The following CTDSPL2 variants were observed in gnomAD, a reference collection of about 807,000 sequenced individuals.
The protein encoded by CTDSPL2 is CTD small phosphatase like 2, also known as CTD small phosphatase-like protein 2.
In CTDSPL2, 5 loss-of-function variants were observed where a neutral mutation model predicts 60.0. The observed-to-expected ratio is 0.08, with a 90% confidence interval of 0.04 to 0.18. The LOEUF is 0.18. Among genes scored for constraint, CTDSPL2 ranks in the 10% least tolerant of loss-of-function variants. The probability of loss-of-function intolerance (pLI) is 1.00; values close to 1 mark genes in which losing one functional copy is unlikely to be tolerated. For synonymous variants in CTDSPL2, 186 were observed against 189.3 expected (o/e 0.98, Z 0.14); for missense variants, 370 against 548.8 (o/e 0.67, Z 3.26).
intron 2 of CTDSPL2, among the ~76,000 whole-genome samples, chr15:44,475,666 C>A (rs148390977): frequency 1.3e-5 from 2 of 151,558 alleles, no homozygotes; most frequent in African/African-American, 4.8e-5. Flanking sequence ...ATTCTTCAGA[C>A]GCTTTTTCAT....
chr15:44,513,858 T>C (rs2081607689), intron 8 of CTDSPL2, among the ~76,000 whole-genome samples: 1 of 152,220 alleles, frequency 6.6e-6, no homozygotes, highest in South Asian at 2.1e-4. Flanking sequence ...TTATAGGAGC[T>C]ATATTAAATG....
chr15:44,489,521 T>C (rs1193936897), intron 4 of CTDSPL2, among the ~76,000 whole-genome samples: 1 of 152,132 alleles, frequency 6.6e-6, no homozygotes, highest in African/African-American at 2.4e-5. Flanking sequence ...TTGTGCTAAG[T>C]GGTTAATACA....
intron 5 of CTDSPL2, among the ~76,000 whole-genome samples, chr15:44,492,191 C>T (rs1043113712): frequency 5.3e-5 from 8 of 151,992 alleles, no homozygotes; most frequent in African/African-American, 1.9e-4. Flanking sequence ...TTTAAATTAG[C>T]CGGGGATGGT....
chr15:44,495,865 G>C (rs375145051), intron 5 of CTDSPL2, among the ~76,000 whole-genome samples: 1 of 151,852 alleles, frequency 6.6e-6, no homozygotes, highest in East Asian at 1.9e-4. Context: ...CTGTGGGGTG[G>C]AGGTTGCAGT....
chr15:44,470,645 A>G (rs2080788023), intron 2 of CTDSPL2: 1 of 152,002 alleles, frequency 6.6e-6, no homozygotes, highest in Non-Finnish European at 1.5e-5. Flanking sequence ...ACAGTGTTTT[A>G]CCATGTTGGC....
intron 1 of CTDSPL2, among the ~76,000 whole-genome samples, chr15:44,438,263 C>CAA (rs35595063): frequency 0.041 from 4,172 of 102,094 alleles, 91 homozygotes; most frequent in East Asian, 0.13. Context: ...GACTCCGTCT[C>CAA]AAAAAAAAAA....
intron 4 of CTDSPL2, among the ~76,000 whole-genome samples, chr15:44,488,532 C>G (rs1326012400): frequency 6.6e-6 from 1 of 152,164 alleles, no homozygotes; most frequent in African/African-American, 2.4e-5. Context: ...AATATTCAGG[C>G]TGGGCGCGGT....
intron 8 of CTDSPL2, among the ~76,000 whole-genome samples, chr15:44,509,988 A>G (rs974917105): frequency 6.6e-6 from 1 of 151,396 alleles, no homozygotes; most frequent in South Asian, 2.1e-4. Flanking sequence ...ATCAGTTCAC[A>G]ACACCTTTTT....
chr15:44,483,538 C>CA (rs901980878), intron 2 of CTDSPL2, among the ~76,000 whole-genome samples: 282 of 133,686 alleles, frequency 2.1e-3, no homozygotes, highest in Middle Eastern at 7.5e-3. Flanking sequence ...AACTCTGTCT[C>CA]AAAAAAAAAA....
At chr15:44,488,991 T>G (rs528366781) in intron 4 of CTDSPL2, among the ~76,000 whole-genome samples, 2 of 152,280 alleles carry the variant, frequency 1.3e-5, no homozygotes, top group South Asian at 4.1e-4. Context: ...AGAGATGGTG[T>G]CATTAATGAT....
At chr15:44,453,471 A>G (rs933435406) in intron 1 of CTDSPL2, among the ~76,000 whole-genome samples, 1 of 152,126 alleles carries the variant, frequency 6.6e-6, no homozygotes, top group African/African-American at 2.4e-5. Flanking sequence ...CATGTGCACA[A>G]CGTGCAGGCT....
At chr15:44,428,749 A>C (rs1320965258) in intron 1 of CTDSPL2, among the ~76,000 whole-genome samples, 1 of 152,226 alleles carries the variant, frequency 6.6e-6, no homozygotes, top group East Asian at 1.9e-4. Flanking sequence ...TGTAATTTTC[A>C]AATTGTAGAT....
chr15:44,490,410 C>T (rs568360940), intron 4 of CTDSPL2, among the ~76,000 whole-genome samples: 1 of 152,288 alleles, frequency 6.6e-6, no homozygotes, highest in African/African-American at 2.4e-5. Context: ...GGATTACAGG[C>T]ATGAGTCACC....
chr15:44,488,116 A>G (rs1376702999), intron 4 of CTDSPL2, among the ~76,000 whole-genome samples: 1 of 152,028 alleles, frequency 6.6e-6, no homozygotes, highest in East Asian at 1.9e-4. Context: ...TCTCAAAAAA[A>G]AAAAAAAAAG....
intron 1 of CTDSPL2, among the ~76,000 whole-genome samples, chr15:44,434,071 GTTATTTATTTAT>G (rs574610723): frequency 6.6e-6 from 1 of 151,398 alleles, no homozygotes; most frequent in Non-Finnish European, 1.5e-5. Flanking sequence ...AAAAATCATT[GTTATTTATTTAT>G]TTATTTATTT....
intron 1 of CTDSPL2, among the ~76,000 whole-genome samples, chr15:44,432,730 C>T (rs776396626): frequency 9.5e-4 from 145 of 151,996 alleles, no homozygotes; most frequent in Non-Finnish European, 3.4e-4. Context: ...AGTGATTCTC[C>T]TGTCTCAGTC....
At chr15:44,448,058 C>G (rs1165794266) in intron 1 of CTDSPL2, 2 of 243,530 alleles carry the variant, frequency 8.2e-6, no homozygotes, top group East Asian at 1.2e-4. Flanking sequence ...CCTATGTGCT[C>G]CAGGCCAGTG....
At chr15:44,441,442 G>A (rs2080083355) in intron 1 of CTDSPL2, among the ~76,000 whole-genome samples, 1 of 152,220 alleles carries the variant, frequency 6.6e-6, no homozygotes, top group African/African-American at 2.4e-5. Context: ...GCCTTTGGTG[G>A]AGGTCTGTGG....
At chr15:44,461,940 G>A (rs1243223708) in intron 2 of CTDSPL2, among the ~76,000 whole-genome samples, 2 of 151,978 alleles carry the variant, frequency 1.3e-5, no homozygotes, top group African/African-American at 4.8e-5. Context: ...TCAAGGATCA[G>A]CGTACTTCTT....
Sources: allele counts gnomAD v4.1 joint callset (sites outside exome capture counted in the v4.1 genomes callset), GRCh38; gene constraint gnomAD v4.1.1; transcripts MANE v1.5; gene names NCBI Gene and HGNC (gene_info 2026-07-23, HGNC 2026-07-21).